FGF12: variants seen among roughly 807,000 people sequenced by gnomAD.
The protein encoded by FGF12 is fibroblast growth factor 12B.
Under a neutral mutation model 23.6 loss-of-function variants are expected in FGF12, and 14 were observed. That is an observed-to-expected ratio of 0.59 (90% CI 0.39 to 0.93). The LOEUF is 0.93. FGF12 is among the 40% of genes least tolerant of loss of function. FGF12 has a pLI of 0.00. For synonymous variants in FGF12, 62 were observed against 77.3 expected, an observed-to-expected ratio of 0.80 and a Z score of 1.04; for missense variants, 175 against 217.8, an observed-to-expected ratio of 0.80 and a Z score of 1.24.
At chr3:192,541,414 T>G (rs1725361057) in intron 2 of FGF12, among the ~76,000 whole-genome samples, 2 of 152,202 alleles carry the variant, frequency 1.3e-5, no homozygotes, top group East Asian at 3.9e-4. Context: ...AATTAAAAGT[T>G]TATATTTTAA....
chr3:192,422,803 T>C (rs1240841759), intron 2 of FGF12, among the ~76,000 whole-genome samples: 1 of 152,164 alleles, frequency 6.6e-6, no homozygotes, highest in East Asian at 1.9e-4. Flanking sequence ...TTCAGCCTCT[T>C]AGTAATTGAT....
chr3:192,323,013 A>G (rs1460409998), intron 4 of FGF12, among the ~76,000 whole-genome samples: 1 of 152,224 alleles, frequency 6.6e-6, no homozygotes, highest in African/African-American at 2.4e-5. Flanking sequence ...AATCAAAGCT[A>G]TGATGGGATA....
Position 192,167,763 on chromosome 3 carries a change from A to T in FGF12, c.427+2695T>A, listed in dbSNP as rs113765208. Among the ~76,000 whole-genome samples, 140 of 32,166 alleles carry T rather than the reference A, an allele frequency of 4.4e-3. 8 individuals are homozygous for T. The highest frequency in any genetic ancestry group is 7.6e-3 in the African/African-American group (60 of 7,902). 21.1% of individuals were successfully genotyped at this position (32,166 alleles called of 152,430 possible). On this transcript the variant is annotated intron_variant, in intron 5 of 5. Coordinates refer to ENST00000445105, the MANE Select transcript of FGF12 (RefSeq NM_004113.6). ...TATATATATATATATATATATATAT[A>T]TATATAAAATTTTTTTTTTTTTTTT... is the stretch of plus-strand genomic sequence containing the variant.
intron 2 of FGF12, among the ~76,000 whole-genome samples, chr3:192,455,465 A>G (rs1722652426): frequency 6.6e-6 from 1 of 152,224 alleles, no homozygotes; most frequent in Non-Finnish European, 1.5e-5. Context: ...CTACAGCAGA[A>G]TAGAAATGAT....
At chr3:192,506,930 C>T (rs575094046) in intron 2 of FGF12, among the ~76,000 whole-genome samples, 5 of 142,402 alleles carry the variant, frequency 3.5e-5, no homozygotes, top group Admixed American at 7.2e-5. Flanking sequence ...CTTGCATTGT[C>T]ACCCAGGCTG....
chr3:192,507,488 C>T (rs75773808), intron 2 of FGF12, among the ~76,000 whole-genome samples: 1,583 of 152,080 alleles, frequency 0.01, 17 homozygotes, highest in South Asian at 0.028. Flanking sequence ...GGGGAAGTCT[C>T]GGTTTCCTAA....
At chr3:192,451,696 A>T (rs1193563466) in intron 2 of FGF12, among the ~76,000 whole-genome samples, 7 of 152,340 alleles carry the variant, frequency 4.6e-5, no homozygotes, top group South Asian at 4.1e-4. Context: ...TGCACTTAAC[A>T]GTTTTCTTCT....
chr3:192,664,611 A>AAAAAAAAAAAAAAAC, intron 2 of FGF12, among the ~76,000 whole-genome samples: 1 of 146,698 alleles, frequency 6.8e-6, no homozygotes, highest in Non-Finnish European at 1.5e-5. Context: ...AATACAAAAA[A>AAAAAAAAAAAAAAAC]AAAAAAAAGC....
At chr3:192,319,031 C>T (rs1255603243) in intron 4 of FGF12, among the ~76,000 whole-genome samples, 1 of 151,844 alleles carries the variant, frequency 6.6e-6, no homozygotes, top group Non-Finnish European at 1.5e-5. Context: ...GGGAAAATTT[C>T]CTACATAAAG....
At chr3:192,452,093 A>G (rs750373387) in intron 2 of FGF12, among the ~76,000 whole-genome samples, 8 of 152,206 alleles carry the variant, frequency 5.3e-5, no homozygotes, top group Non-Finnish European at 8.8e-5. Context: ...ATAGCAGAAA[A>G]GCATCGATAT....
chr3:192,191,692 C>T (rs1365497504), intron 4 of FGF12, among the ~76,000 whole-genome samples: 4 of 151,890 alleles, frequency 2.6e-5, no homozygotes, highest in East Asian at 3.9e-4. Flanking sequence ...AAAAATTAGC[C>T]GGGCATGGTG....
intron 2 of FGF12, among the ~76,000 whole-genome samples, chr3:192,568,018 A>G (rs1398244912): frequency 2.6e-5 from 4 of 151,806 alleles, no homozygotes; most frequent in Non-Finnish European, 5.9e-5. Context: ...TATTTAATAG[A>G]GATGGGGTTT....
At chr3:192,156,552 T>C (rs1380756083) in intron 5 of FGF12, among the ~76,000 whole-genome samples, 1 of 152,192 alleles carries the variant, frequency 6.6e-6, no homozygotes, top group Non-Finnish European at 1.5e-5. Flanking sequence ...GCCTGCAAGA[T>C]AAATAAACAA....
chr3:192,707,426 A>G (rs1718506342), intron 2 of FGF12, among the ~76,000 whole-genome samples: 1 of 152,164 alleles, frequency 6.6e-6, no homozygotes, highest in Non-Finnish European at 1.5e-5. Flanking sequence ...ATAATAATAA[A>G]GAATCATGCT....
chr3:192,682,164 T>A lies in FGF12; in HGVS notation c.13+45017A>T, dbSNP rs114585878. The stretch of plus-strand genomic sequence containing the variant: ...CTCAAGTTTTATGTTTCAGTAATTC[T>A]CCCAGCAGTGGTCTAAAGAACCCTC... On this transcript the variant is annotated intron_variant, in intron 2 of 5. Transcript: ENST00000445105. Among the ~76,000 whole-genome samples, 259 of 152,294 alleles carry A rather than the reference T, an allele frequency of 1.7e-3. 1 individual carries two copies. Among genetic ancestry groups the A allele is most frequent in the African/African-American group, 5.8e-3 (239 of 41,538 alleles).
At position 192,141,156 on chromosome 3, in the gene FGF12, C is replaced by CAAAAAAA. The variant is rs1577165196; in HGVS notation, c.*2852_*2853insTTTTTTT. ...AAAAAAAAAAAAAAAAAAAAAAAAG[C>CAAAAAAA]TTATTTTACTTAAAAAGGAAAAGTG... On this transcript the variant is annotated 3_prime_UTR_variant, in exon 6 of 6. Transcript: ENST00000445105. 1.0e-4 allele frequency: 5 copies of CAAAAAAA among 48,850 alleles called. No individual in the cohort carries two copies. Among genetic ancestry groups the CAAAAAAA allele is most frequent in the Admixed American group, 2.1e-4 (1 of 4,818 alleles). The allele number at this position is 48,850 out of a possible 1,614,324, so 3.0% of individuals were successfully genotyped here.
In FGF12 at chr3:192,609,180, C is replaced by T. The variant is rs536584890; in HGVS notation, c.13+118001G>A. 8.5e-5 allele frequency among the ~76,000 whole-genome samples: 13 copies of T among 152,118 alleles called. No homozygotes were observed. The South Asian group carries it at 1.5e-3, about 17-fold the overall frequency. On this transcript the variant is annotated intron_variant, in intron 2 of 5. Coordinates refer to ENST00000445105, the MANE Select transcript of FGF12 (RefSeq NM_004113.6). Reference sequence around the variant, plus strand: ...ATAAGCCTGGTGTGTTGATTCTGGACGGTAGTCACACCCTCTACCCAGCTA... The same window carrying T: ...ATAAGCCTGGTGTGTTGATTCTGGATGGTAGTCACACCCTCTACCCAGCTA...
chr3:192,599,248 T>G (rs1256066330), intron 2 of FGF12, among the ~76,000 whole-genome samples: 1 of 83,054 alleles, frequency 1.2e-5, no homozygotes, highest in Non-Finnish European at 2.4e-5. Flanking sequence ...ACCCCAGAAC[T>G]TGAAGTATAA....
intron 2 of FGF12, among the ~76,000 whole-genome samples, chr3:192,428,631 A>G (rs1721761847): frequency 6.6e-6 from 1 of 152,222 alleles, no homozygotes; most frequent in Non-Finnish European, 1.5e-5. Flanking sequence ...TGGTAGAAGG[A>G]AGTCCAAATC....
Sources: allele counts gnomAD v4.1 joint callset (sites outside exome capture counted in the v4.1 genomes callset), GRCh38; gene constraint gnomAD v4.1.1; transcripts MANE v1.5; gene names NCBI Gene and HGNC (gene_info 2026-07-23, HGNC 2026-07-21).